The following AGO3 variants were observed in gnomAD, a reference collection of about 807,000 sequenced individuals.
The protein encoded by AGO3 is protein argonaute-3.
A neutral mutation model predicts 105.5 loss-of-function variants in AGO3; 16 were observed. The observed-to-expected ratio is 0.15, with a 90% CI of 0.10 to 0.23. The LOEUF is 0.23. AGO3 is among the 10% of genes least tolerant of loss of function. The probability of loss-of-function intolerance (pLI) is 1.00; values close to 1 mark genes in which losing one functional copy is unlikely to be tolerated. For synonymous variants in AGO3, 340 were observed against 367.3 expected (o/e 0.93, Z 0.85); for missense variants, 534 against 1,088.0 (o/e 0.49, Z 7.16).
Position 36,013,989 on chromosome 1 carries a change from CA to C in AGO3, c.1351del (p.Met451CysfsTer18). 1 of 1,613,972 alleles carries C rather than the reference CA, an allele frequency of 6.2e-7. No individual in the cohort carries two copies. ...GKQFHTGVEI[K>X]MWAIACFATQ... ...AACAATTCCACACAGGAGTTGAAAT[CA>C]AAATGTGGGCTATCGCTTGTTTTGC... is the stretch of plus-strand genomic sequence containing the variant. On this transcript the variant is annotated frameshift_variant, in exon 11 of 19. Transcript: ENST00000373191. LOFTEE classifies it high-confidence loss of function.
At chr1:36,010,439 A>G (rs116209852) in intron 9 of AGO3, among the ~76,000 whole-genome samples, 2,579 of 151,954 alleles carry the variant, frequency 0.017, 36 homozygotes, top group Middle Eastern at 0.048. Flanking sequence ...TGCCATCTCT[A>G]CTAAAAACGC....
At chr1:36,003,492 C>A (rs972948384) in intron 5 of AGO3, among the ~76,000 whole-genome samples, 5 of 150,708 alleles carry the variant, frequency 3.3e-5, no homozygotes, top group Non-Finnish European at 5.9e-5. Context: ...GTCAGGAGTT[C>A]AAGACCAGCC....
intron 5 of AGO3, among the ~76,000 whole-genome samples, chr1:35,996,987 T>C (rs1639858718): frequency 6.6e-6 from 1 of 152,026 alleles, no homozygotes; most frequent in Non-Finnish European, 1.5e-5. Flanking sequence ...CTTTGAAAAA[T>C]AGTTTGGCGG....
At chr1:35,980,238 T>C (rs1031301818) in intron 5 of AGO3, among the ~76,000 whole-genome samples, 42 of 152,342 alleles carry the variant, frequency 2.8e-4, no homozygotes, top group African/African-American at 8.9e-4. Flanking sequence ...TTTATTGCTC[T>C]TTATAATTTT....
rs372315788 is a variant in AGO3 at position 36,008,676 on chromosome 1, C to A, written c.794-14C>A. ...TGACAGTTCTGTAACCTCCATTTTT[C>A]TTGTTGGGAACAGGTTTGAAGGTTG... On this transcript the variant is annotated splice_polypyrimidine_tract_variant and intron_variant, in intron 6 of 18. Coordinates refer to ENST00000373191, the MANE Select transcript of AGO3 (RefSeq NM_024852.4). The surrounding 1 kb of genome is among the most constrained non-coding windows in gnomAD (Gnocchi z 5.1). The A allele has an allele frequency of 6.2e-6, 10 of 1,611,672 alleles. No individual in the cohort carries two copies. In the African/African-American group the frequency reaches 1.2e-4, roughly 19 times the overall value.
intron 11 of AGO3, among the ~76,000 whole-genome samples, chr1:36,026,668 A>C (rs559701218): frequency 6.6e-6 from 1 of 152,334 alleles, no homozygotes; most frequent in East Asian, 1.9e-4. Flanking sequence ...AAATGTATCA[A>C]GTTTTTACCA....
At chr1:36,018,723 A>ACTATG (rs1557690099) in intron 11 of AGO3, among the ~76,000 whole-genome samples, 103 of 152,114 alleles carry the variant, frequency 6.8e-4, no homozygotes, top group African/African-American at 2.1e-3. Context: ...GAGCCACCAC[A>ACTATG]CCTGGCCAAT....
At chr1:35,948,139 A>G (rs189440700) in intron 2 of AGO3, among the ~76,000 whole-genome samples, 1 of 152,246 alleles carries the variant, frequency 6.6e-6, no homozygotes, top group African/African-American at 2.4e-5. Context: ...AGGGATGTCA[A>G]TTCAAGTTTT....
intron 17 of AGO3, among the ~76,000 whole-genome samples, chr1:36,049,201 AGGAG>A (rs1642598043): frequency 1.3e-5 from 2 of 151,714 alleles, no homozygotes; most frequent in Non-Finnish European, 2.9e-5. Flanking sequence ...ACTACTAGAG[AGGAG>A]GGCAGGGGGG....
At chr1:35,944,750 C>T (rs149061584) in intron 1 of AGO3, among the ~76,000 whole-genome samples, 7,276 of 151,914 alleles carry the variant, frequency 0.048, 573 homozygotes, top group African/African-American at 0.17. Context: ...GTGATCTGCC[C>T]GCTTTGGCCT....
chr1:35,939,179 A>T (rs969486676), intron 1 of AGO3, among the ~76,000 whole-genome samples: 2 of 152,162 alleles, frequency 1.3e-5, no homozygotes, highest in African/African-American at 4.8e-5. Context: ...GAATTGTTTC[A>T]TCTGCTAATT....
rs1339287575 is a variant in AGO3 at position 36,068,258 on chromosome 1, A to G, written c.*12513A>G. Reference sequence around the variant, plus strand: ...TTAAGTGAGAATTAAGATTGAAAGTATTAATGTTGCAAGTATTATCTCTAG... The same window carrying G: ...TTAAGTGAGAATTAAGATTGAAAGTGTTAATGTTGCAAGTATTATCTCTAG... On this transcript the variant is annotated 3_prime_UTR_variant, in exon 19 of 19. Coordinates refer to ENST00000373191, the MANE Select transcript of AGO3 (RefSeq NM_024852.4). 3.3e-5 allele frequency: 5 copies of G among 152,248 alleles called. No individual in the cohort carries two copies. Among genetic ancestry groups the G allele is most frequent in the Admixed American group, 3.3e-4 (5 of 15,284 alleles). The allele number at this position is 152,248 out of a possible 1,614,324, so 9.4% of individuals were successfully genotyped here.
At chr1:35,966,872 A>G (rs1381573906) in intron 2 of AGO3, 83 bp from the exon 3 acceptor site, 2 of 1,454,370 alleles carry the variant, frequency 1.4e-6, no homozygotes, top group Non-Finnish European at 1.8e-6. Flanking sequence ...ACAGCTTTAT[A>G]CAGTGGCAGA....
chr1:36,043,153 T>TA, intron 16 of AGO3: 1 of 263,136 alleles, frequency 3.8e-6, no homozygotes, highest in Non-Finnish European at 7.1e-6. Flanking sequence ...CACTTTAAGT[T>TA]AATTTAAAAA....
At chr1:35,938,291 G>A (rs775050275) in intron 1 of AGO3, among the ~76,000 whole-genome samples, 2 of 151,950 alleles carry the variant, frequency 1.3e-5, no homozygotes, top group Non-Finnish European at 2.9e-5. Flanking sequence ...GCCCAAAAAT[G>A]CATTCTTTTT....
chr1:36,034,559 A>C (rs1444368195), intron 13 of AGO3, among the ~76,000 whole-genome samples: 1 of 152,188 alleles, frequency 6.6e-6, no homozygotes, highest in Non-Finnish European at 1.5e-5. Context: ...TTTTTAAGGA[A>C]AGAATGAAGC....
At chr1:35,975,171 G>A (rs1272497826) in intron 5 of AGO3, among the ~76,000 whole-genome samples, 1 of 152,072 alleles carries the variant, frequency 6.6e-6, no homozygotes. Context: ...TATCATTGTT[G>A]CCAGATTGCA....
intron 12 of AGO3, among the ~76,000 whole-genome samples, chr1:36,029,820 G>A (rs914783413): frequency 2.6e-5 from 4 of 151,412 alleles, no homozygotes; most frequent in Non-Finnish European, 5.9e-5. Flanking sequence ...AGCCTCCCTA[G>A]TAGCTGGGTC....
chr1:35,969,931 G>A (rs549115314), intron 3 of AGO3, among the ~76,000 whole-genome samples: 1 of 152,138 alleles, frequency 6.6e-6, no homozygotes, highest in Non-Finnish European at 1.5e-5. Context: ...TAAATGGTAC[G>A]CCTGTATAAG....
Sources: allele counts gnomAD v4.1 joint callset (sites outside exome capture counted in the v4.1 genomes callset), GRCh38; gene constraint gnomAD v4.1.1; non-coding constraint Gnocchi (gnomAD v3.1); transcripts MANE v1.5; gene names NCBI Gene and HGNC (gene_info 2026-07-23, HGNC 2026-07-21).